Variants in AMHR2 observed in about 807,000 individuals in gnomAD.
The protein encoded by AMHR2 is anti-Muellerian hormone type-2 receptor.
In AMHR2, 36 loss-of-function variants were observed where a neutral mutation model predicts 61.4. That is an observed-to-expected ratio of 0.59 (90% CI 0.45 to 0.77). The LOEUF is 0.77. Among genes scored for constraint, AMHR2 ranks in the 30% least tolerant of loss-of-function variants. AMHR2 has a pLI of 0.00. For synonymous variants in AMHR2, 258 were observed against 279.4 expected (o/e 0.92, Z 0.76); for missense variants, 638 against 714.6 (o/e 0.89, Z 1.22).
At chr12:53,430,619 CTG>C in intron 10 of AMHR2, 1 of 447,220 alleles carries the variant, frequency 2.2e-6, no homozygotes, top group East Asian at 4.7e-5. Context: ...GCCCTGAGCT[CTG>C]CCCCATCTGC....
In AMHR2 at chr12:53,424,885, C is replaced by A. The variant is rs896993874; in HGVS notation, c.409C>A (p.Pro137Thr). The change falls in exon 3 of 11, where the codon CCC (proline) becomes ACC (threonine). Residue 137 changes from proline to threonine, a missense_variant. Pro to Thr is a conservative substitution (Grantham distance 38). Coordinates refer to ENST00000257863, the MANE Select transcript of AMHR2 (RefSeq NM_020547.3). ...GSPGTPGSQG[P>T]QAAPGESIWM... ...CCCTGGGACTCCTGGCTCCCAGGGTCCCCAGGCTGCCCCAGGTAGCCACCC... is the reference window on the plus strand; with the variant it reads ...CCCTGGGACTCCTGGCTCCCAGGGTACCCAGGCTGCCCCAGGTAGCCACCC... The A allele has an allele frequency of 6.2e-7, 1 of 1,611,174 alleles. No individual in the cohort carries two copies. The highest frequency in any genetic ancestry group is 1.3e-5 in the African/African-American group (1 of 74,872).
Position 53,425,214 on chromosome 12 carries a change from C to CCTG in AMHR2, c.484_486dup (p.Leu162dup), listed in dbSNP as rs1208207640. The CCTG allele has an allele frequency of 6.2e-7, 1 of 1,613,894 alleles. No homozygotes were observed. Among genetic ancestry groups the CCTG allele is most frequent in the African/African-American group, 1.3e-5 (1 of 74,998 alleles). On this transcript the variant is annotated inframe_insertion, in exon 4 of 11. Coordinates refer to ENST00000257863, the MANE Select transcript of AMHR2 (RefSeq NM_020547.3). ...TGCTGCTGGGGCTGTTCCTCCTCCT[C>CCTG]CTGCTGCTGCTGGGCAGCATCATCT...
chr12:53,430,732 T>C, intron 10 of AMHR2: 1 of 348,360 alleles, frequency 2.9e-6, no homozygotes, highest in South Asian at 2.8e-5. Flanking sequence ...CAGTTCTAGG[T>C]ATAAAAGGTG....
In AMHR2 at chr12:53,425,592, G is replaced by C. The variant is rs1939505918; in HGVS notation, c.621+19G>C. 1.2e-6 allele frequency: 2 copies of C among 1,613,316 alleles called. No individual in the cohort carries two copies. Among genetic ancestry groups the C allele is most frequent in the South Asian group, 2.2e-5 (2 of 91,068 alleles). On this transcript the variant is annotated intron_variant, in intron 5 of 10. Coordinates refer to ENST00000257863, the MANE Select transcript of AMHR2 (RefSeq NM_020547.3). ...CTCCCAGGTGCCCCAGGGAGGGAGAGAAGGGCTCCTCTGGGCACTCCTGGA... is the reference window on the plus strand; with the variant it reads ...CTCCCAGGTGCCCCAGGGAGGGAGACAAGGGCTCCTCTGGGCACTCCTGGA...
chr12:53,424,877 C>T lies in AMHR2; in HGVS notation c.401C>T (p.Ser134Phe), dbSNP rs1262901862. The T allele has an allele frequency of 6.2e-7, 1 of 1,612,428 alleles. No homozygotes were observed. Among genetic ancestry groups the T allele is most frequent in the Non-Finnish European group, 8.5e-7 (1 of 1,179,948 alleles). Residue 134 changes from serine (S) to phenylalanine (F), a missense_variant, in exon 3 of 11, where the codon TCC becomes TTC. By Grantham distance (155) the Ser-to-Phe change is radical (BLOSUM62 -2). Coordinates refer to ENST00000257863, the MANE Select transcript of AMHR2 (RefSeq NM_020547.3). ...CCAGGGAGCCCTGGGACTCCTGGCT[C>T]CCAGGGTCCCCAGGCTGCCCCAGGT... The part of the protein sequence containing the change: ...PPPGSPGTPG[S>F]QGPQAAPGES...
At chr12:53,429,107 GA>G in intron 7 of AMHR2, 97 bp downstream of exon 7, 1 of 1,168,738 alleles carries the variant, frequency 8.6e-7, no homozygotes, top group African/African-American at 1.5e-5. Flanking sequence ...AAAGAGGGAG[GA>G]AGAGCCGGGC....
At chr12:53,430,855 A>G in intron 10 of AMHR2, 2 of 455,448 alleles carry the variant, frequency 4.4e-6, no homozygotes, top group Non-Finnish European at 8.1e-6. Context: ...AGGTTGGCTG[A>G]CAGAAACTGG....
chr12:53,425,993 T>C, intron 6 of AMHR2, 74 bp downstream of exon 6: 1 of 1,407,882 alleles, frequency 7.1e-7, no homozygotes, highest in Non-Finnish European at 9.9e-7. Flanking sequence ...ACATGGCAGC[T>C]GGGCCCTGTT....
intron 2 of AMHR2, 101 bp from the exon 3 acceptor site, chr12:53,424,608 G>T: frequency 6.6e-7 from 1 of 1,522,518 alleles, no homozygotes; most frequent in African/African-American, 1.4e-5. Context: ...TGGAAGGGAC[G>T]CCTCTGATAG....
At chr12:53,425,087 C>T (rs1939437102) in intron 3 of AMHR2, 78 bp from the exon 4 acceptor site, 1 of 1,605,802 alleles carries the variant, frequency 6.2e-7, no homozygotes, top group Non-Finnish European at 8.5e-7. Context: ...GGTTGAGACG[C>T]AAGCTCTCAG....
chr12:53,425,252 C>T lies in AMHR2; in HGVS notation c.502+10C>T, dbSNP rs368168108. On this transcript the variant is annotated intron_variant, in intron 4 of 10. Transcript: ENST00000257863. ...GGCAGCATCATCTTGGGTACTAATC[C>T]ACCCCATCCCTCCCTTGTGACCCCA... 8.9e-5 allele frequency: 143 copies of T among 1,613,172 alleles called. No homozygotes were observed. In the African/African-American group the frequency reaches 1.7e-3, roughly 19 times the overall value.
At chr12:53,428,315 C>T (rs976210695) in intron 6 of AMHR2, among the ~76,000 whole-genome samples, 80 of 152,184 alleles carry the variant, frequency 5.3e-4, no homozygotes, top group African/African-American at 1.9e-3. Flanking sequence ...CCTCCAATTC[C>T]CACTTGCCCT....
chr12:53,424,040 C>T (rs1330300703), intron 1 of AMHR2, 57 bp downstream of exon 1: 56 of 1,595,698 alleles, frequency 3.5e-5, no homozygotes, highest in East Asian at 6.7e-5. Context: ...GGGAAAGGGG[C>T]GCTTGAAGCA....
At position 53,431,498 on chromosome 12, in the gene AMHR2, G is replaced by A; in HGVS notation, c.*25G>A. 6.2e-7 allele frequency: 1 copy of A among 1,613,792 alleles called. No individual in the cohort carries two copies. The highest frequency in any genetic ancestry group is 8.5e-7 in the Non-Finnish European group (1 of 1,179,772). On this transcript the variant is annotated 3_prime_UTR_variant, in exon 11 of 11. Coordinates refer to ENST00000257863, the MANE Select transcript of AMHR2 (RefSeq NM_020547.3). The stretch of plus-strand genomic sequence containing the variant: ...AATATGCAGTTTATGTGTCATCAAT[G>A]TACATGCCAACATAAATATGGCGAT...
intron 2 of AMHR2, 26 bp downstream of exon 2, chr12:53,424,496 G>A (rs745773176): frequency 6.2e-6 from 10 of 1,607,428 alleles, no homozygotes; most frequent in African/African-American, 1.3e-5. Flanking sequence ...TATGGCAGGT[G>A]ATGGCTAGGG....
chr12:53,425,288 C>T, intron 4 of AMHR2, 46 bp downstream of exon 4: 2 of 1,610,566 alleles, frequency 1.2e-6, no homozygotes, highest in Non-Finnish European at 1.7e-6. Context: ...AGACATTGCC[C>T]CAAAAGCTCT....
intron 6 of AMHR2, among the ~76,000 whole-genome samples, chr12:53,427,007 A>G (rs1055293307): frequency 2.7e-5 from 4 of 150,842 alleles, no homozygotes; most frequent in African/African-American, 9.7e-5. Flanking sequence ...AAAAATTGTT[A>G]AAGAAATATC....
Position 53,425,254 on chromosome 12 carries a change from C to A in AMHR2, c.502+12C>A. 1 of 1,613,038 alleles carries A rather than the reference C, an allele frequency of 6.2e-7. No homozygotes were observed. Among genetic ancestry groups the A allele is most frequent in the Non-Finnish European group, 8.5e-7 (1 of 1,180,002 alleles). The stretch of plus-strand genomic sequence containing the variant: ...CAGCATCATCTTGGGTACTAATCCA[C>A]CCCATCCCTCCCTTGTGACCCCAAG... On this transcript the variant is annotated intron_variant, in intron 4 of 10. Coordinates refer to ENST00000257863, the MANE Select transcript of AMHR2 (RefSeq NM_020547.3).
chr12:53,428,842 G>T, intron 6 of AMHR2, 54 bp from the exon 7 acceptor site: 1 of 1,304,124 alleles, frequency 7.7e-7, no homozygotes, highest in South Asian at 1.3e-5. Flanking sequence ...TCCCTGGGAT[G>T]GATCAGCCGT....
Sources: allele counts gnomAD v4.1 joint callset (sites outside exome capture counted in the v4.1 genomes callset), GRCh38; gene constraint gnomAD v4.1.1; transcripts MANE v1.5; gene names NCBI Gene and HGNC (gene_info 2026-07-23, HGNC 2026-07-21).